The following ZNF423 variants were observed in gnomAD, a reference collection of about 807,000 sequenced individuals.
The protein encoded by ZNF423 is zinc finger protein 423, also known as Ebf-associated zinc finger protein.
ZNF423 carries 12 observed loss-of-function variants against 95.8 expected under a neutral mutation model. That is an observed-to-expected ratio of 0.13 (90% CI 0.08 to 0.20). The LOEUF (loss-of-function observed/expected upper bound fraction) is 0.20, where lower values mean the gene tolerates loss of function less well. Ranked by LOEUF, ZNF423 falls within the 10% of genes least tolerant of loss-of-function variation. The probability of loss-of-function intolerance (pLI) is 1.00; values close to 1 mark genes in which losing one functional copy is unlikely to be tolerated. For synonymous variants in ZNF423, 749 were observed against 711.9 expected (o/e 1.05, Z -0.83); for missense variants, 1,316 against 1,737.1 (o/e 0.76, Z 4.31).
In ZNF423 at chr16:49,648,714, G is replaced by A. The variant is rs142153566; in HGVS notation, c.302-9840C>T. Among the ~76,000 whole-genome samples the A allele has an allele frequency of 1.8e-3, 278 of 152,058 alleles. 1 individual carries two copies. Among genetic ancestry groups the A allele is most frequent in the Admixed American group, 4.8e-3 (73 of 15,272 alleles). On this transcript the variant is annotated intron_variant, in intron 3 of 7. Transcript: ENST00000563137. ...ATTTACTTACAAGAAAGCATGCTCC[G>A]GAGAAAAAGCTGAAGGTAGGACTGC... is the stretch of plus-strand genomic sequence containing the variant.
At chr16:49,500,218 A>C (rs1377701100) in intron 7 of ZNF423, among the ~76,000 whole-genome samples, 1 of 152,034 alleles carries the variant, frequency 6.6e-6, no homozygotes, top group Admixed American at 6.5e-5. Flanking sequence ...CTGTTTCTCC[A>C]AAGAAGGTGG....
At chr16:49,549,212 G>C (rs1969543891) in intron 5 of ZNF423, among the ~76,000 whole-genome samples, 4 of 152,176 alleles carry the variant, frequency 2.6e-5, no homozygotes, top group Non-Finnish European at 5.9e-5. Flanking sequence ...TCTTGGCTTT[G>C]CCTGGTGAAT....
At chr16:49,641,523 T>C (rs1247510033) in intron 3 of ZNF423, among the ~76,000 whole-genome samples, 1 of 152,116 alleles carries the variant, frequency 6.6e-6, no homozygotes, top group Non-Finnish European at 1.5e-5. Context: ...ACTGGGCAGG[T>C]GAAACCACTA....
chr16:49,611,306 T>C (rs1971713465), intron 5 of ZNF423, among the ~76,000 whole-genome samples: 1 of 152,180 alleles, frequency 6.6e-6, no homozygotes, highest in Admixed American at 6.5e-5. Context: ...CATAGTGTTT[T>C]TTCCTATCAC....
chr16:49,490,515 C>T lies in ZNF423; in HGVS notation c.*760G>A, dbSNP rs1033237295. 11 of 152,468 alleles carry T rather than the reference C, an allele frequency of 7.2e-5. No individual in the cohort carries two copies. The highest frequency in any genetic ancestry group is 2.7e-4 in the African/African-American group (11 of 41,440). The allele number at this position is 152,468 out of a possible 1,614,324, so 9.4% of individuals were successfully genotyped here. A position where few individuals can be genotyped will look rare whatever the true frequency, so the allele number is the denominator to read the frequency against. ...AGGTCCCCAAGGGCGTGTGCAAGCC[C>T]ACAGGAACTTGTAGGGGAACACACC... On this transcript the variant is annotated 3_prime_UTR_variant, in exon 8 of 8. Transcript: ENST00000563137.
At chr16:49,539,306 G>A (rs970038480) in intron 5 of ZNF423, among the ~76,000 whole-genome samples, 17 of 152,308 alleles carry the variant, frequency 1.1e-4, no homozygotes, top group Non-Finnish European at 1.5e-4. Context: ...TGGGGGTGAC[G>A]CGGTGGGGCT....
At chr16:49,655,837 C>A (rs1380441422) in intron 3 of ZNF423, among the ~76,000 whole-genome samples, 1 of 152,216 alleles carries the variant, frequency 6.6e-6, no homozygotes, top group East Asian at 1.9e-4. Context: ...CCTGAACCCA[C>A]ACCACTGAAT....
intron 1 of ZNF423, among the ~76,000 whole-genome samples, chr16:49,819,414 G>T (rs2034906250): frequency 6.6e-6 from 1 of 151,886 alleles, no homozygotes; most frequent in African/African-American, 2.4e-5. Context: ...AGACTCTAGA[G>T]CACATGTTAC....
intron 2 of ZNF423, among the ~76,000 whole-genome samples, chr16:49,759,008 T>C (rs936305144): frequency 6.6e-6 from 1 of 152,230 alleles, no homozygotes; most frequent in African/African-American, 2.4e-5. Flanking sequence ...GTTCACCTTA[T>C]AAAAATTCAC....
intron 3 of ZNF423, among the ~76,000 whole-genome samples, chr16:49,649,696 C>G (rs934977693): frequency 7.4e-6 from 1 of 134,454 alleles, no homozygotes; most frequent in Non-Finnish European, 1.6e-5. Context: ...GAGAGAGAAT[C>G]CCTTCAATTG....
chr16:49,614,581 A>G (rs1971817256), intron 5 of ZNF423, among the ~76,000 whole-genome samples: 1 of 152,206 alleles, frequency 6.6e-6, no homozygotes, highest in Admixed American at 6.5e-5. Flanking sequence ...GTCTATGGCT[A>G]TAAAAGGGCA....
chr16:49,819,500 T>G (rs544435116), intron 1 of ZNF423, among the ~76,000 whole-genome samples: 1 of 151,930 alleles, frequency 6.6e-6, no homozygotes, highest in Non-Finnish European at 1.5e-5. Context: ...CAGGCTGGAG[T>G]GCAGTGATGT....
intron 4 of ZNF423, among the ~76,000 whole-genome samples, chr16:49,629,880 T>A (rs777978140): frequency 6.6e-6 from 1 of 152,194 alleles, no homozygotes; most frequent in Non-Finnish European, 1.5e-5. Flanking sequence ...CAGTGCATAA[T>A]AATTATTTAA....
intron 5 of ZNF423, among the ~76,000 whole-genome samples, chr16:49,608,504 C>A (rs1023940425): frequency 5.3e-5 from 8 of 152,152 alleles, no homozygotes; most frequent in African/African-American, 1.9e-4. Context: ...CGAAGTACAA[C>A]TAAAACCCTG....
At chr16:49,579,796 C>T (rs1469848060) in intron 5 of ZNF423, among the ~76,000 whole-genome samples, 2 of 152,150 alleles carry the variant, frequency 1.3e-5, no homozygotes, top group Admixed American at 6.5e-5. Context: ...TGCGAGATGA[C>T]CTCTCCCATG....
intron 3 of ZNF423, among the ~76,000 whole-genome samples, chr16:49,668,982 G>A (rs2030673476): frequency 6.6e-6 from 1 of 152,118 alleles, no homozygotes; most frequent in Non-Finnish European, 1.5e-5. Context: ...CCCTTCCCCA[G>A]TGGTAACCCT....
At chr16:49,537,378 T>A (rs1969089159) in intron 5 of ZNF423, among the ~76,000 whole-genome samples, 1 of 152,198 alleles carries the variant, frequency 6.6e-6, no homozygotes, top group Admixed American at 6.5e-5. Flanking sequence ...CTGAGCTAAG[T>A]GGTCTGTGTG....
intron 3 of ZNF423, among the ~76,000 whole-genome samples, chr16:49,656,225 G>A (rs2003155): frequency 0.42 from 64,065 of 151,944 alleles, 13,815 homozygotes; most frequent in East Asian, 0.54. Context: ...ATGGGCAAGC[G>A]GAGGCCAGGT....
intron 1 of ZNF423, among the ~76,000 whole-genome samples, chr16:49,805,097 A>G (rs983673000): frequency 1.3e-5 from 2 of 151,766 alleles, no homozygotes; most frequent in African/African-American, 4.8e-5. Context: ...ATGGGGTTTC[A>G]CTATGCTGGC....
Sources: allele counts gnomAD v4.1 joint callset (sites outside exome capture counted in the v4.1 genomes callset), GRCh38; gene constraint gnomAD v4.1.1; transcripts MANE v1.5; gene names NCBI Gene and HGNC (gene_info 2026-07-23, HGNC 2026-07-21).